The following CAMKK2 variants were observed in gnomAD, a reference collection of about 807,000 sequenced individuals.
CAMKK2 encodes the protein calcium/calmodulin dependent protein kinase kinase 2.
CAMKK2 carries 30 observed loss-of-function variants against 67.2 expected under a neutral mutation model. That is an observed-to-expected ratio of 0.45 (90% confidence interval 0.33 to 0.61). The LOEUF (loss-of-function observed/expected upper bound fraction) is 0.61, where lower values mean the gene tolerates loss of function less well. CAMKK2 is among the 20% of genes least tolerant of loss of function. The pLI is 0.02. For synonymous variants in CAMKK2, 322 were observed against 326.2 expected, an observed-to-expected ratio of 0.99 and a Z score of 0.14; for missense variants, 643 against 802.0, an observed-to-expected ratio of 0.80 and a Z score of 2.39.
At chr12:121,259,924 A>T (rs1893090263) in intron 7 of CAMKK2, among the ~76,000 whole-genome samples, 1 of 152,124 alleles carries the variant, frequency 6.6e-6, no homozygotes, top group Non-Finnish European at 1.5e-5. Context: ...CTCTAGAAAA[A>T]TTTTAAAAAT....
In CAMKK2 at chr12:121,296,390, G is replaced by A. The variant is rs1245373553; in HGVS notation, c.-60+248C>T. ...CCCGGACAGGGCGCGGCCCAGCCGA[G>A]GAGGCCATCCCGAGGCCCAGGGCGC... On this transcript the variant is annotated intron_variant, in intron 1 of 16. Coordinates refer to ENST00000404169, the MANE Select transcript of CAMKK2 (RefSeq NM_001270485.2). The surrounding 1 kb of genome is among the most constrained non-coding windows in gnomAD (Gnocchi z 7.1). Among the ~76,000 whole-genome samples, 2 of 152,180 alleles carry A rather than the reference G, an allele frequency of 1.3e-5. No homozygotes were observed. Among genetic ancestry groups the A allele is most frequent in the African/African-American group, 4.8e-5 (2 of 41,454 alleles).
At chr12:121,276,068 G>A (rs1593441289) in intron 1 of CAMKK2, among the ~76,000 whole-genome samples, 1 of 150,966 alleles carries the variant, frequency 6.6e-6, no homozygotes. Context: ...GCTGAGGCAG[G>A]AGAATCACTT....
chr12:121,267,914 T>C (rs986003503), intron 5 of CAMKK2, among the ~76,000 whole-genome samples: 1 of 151,888 alleles, frequency 6.6e-6, no homozygotes, highest in Non-Finnish European at 1.5e-5. Context: ...CTACTTTTGT[T>C]CCTATGGATT....
Position 121,275,881 on chromosome 12 carries a change from G to T in CAMKK2, c.-59-1296C>A, listed in dbSNP as rs530073678. Among the ~76,000 whole-genome samples, 8 of 152,236 alleles carry T rather than the reference G, an allele frequency of 5.3e-5. No homozygotes were observed. The East Asian group carries it at 1.5e-3, about 29-fold the overall frequency. On this transcript the variant is annotated intron_variant, in intron 1 of 16. Transcript: ENST00000404169. ...CTTATATCTCAATTTTTTAAAAAAG[G>T]CCAGGCACGGCAGCTCACGCCTGTA...
chr12:121,291,607 CA>C (rs1363007019), intron 1 of CAMKK2, among the ~76,000 whole-genome samples: 2 of 152,082 alleles, frequency 1.3e-5, no homozygotes, highest in Non-Finnish European at 1.5e-5. Context: ...TGGTGGTTGC[CA>C]GGGGCTGCAG....
intron 14 of CAMKK2, among the ~76,000 whole-genome samples, chr12:121,247,976 G>C (rs998179888): frequency 2.6e-5 from 4 of 152,112 alleles, no homozygotes; most frequent in Non-Finnish European, 1.5e-5. Context: ...GGGACTCTTG[G>C]TCTCTCTCTT....
At chr12:121,289,723 T>C (rs1349950130) in intron 1 of CAMKK2, among the ~76,000 whole-genome samples, 1 of 151,864 alleles carries the variant, frequency 6.6e-6, no homozygotes, top group East Asian at 1.9e-4. Context: ...TGAAACCTCG[T>C]CTCCACTAAA....
intron 1 of CAMKK2, among the ~76,000 whole-genome samples, chr12:121,280,991 C>T (rs552999799): frequency 1.3e-5 from 2 of 152,324 alleles, no homozygotes; most frequent in African/African-American, 4.8e-5. Flanking sequence ...CACCTATTCG[C>T]ACACTCCCTC....
At chr12:121,246,300 C>T (rs1214774378) in intron 14 of CAMKK2, among the ~76,000 whole-genome samples, 1 of 151,674 alleles carries the variant, frequency 6.6e-6, no homozygotes, top group Non-Finnish European at 1.5e-5. Flanking sequence ...AATACCAGCA[C>T]TTTGGGAGGC....
intron 4 of CAMKK2, 113 bp downstream of exon 4, chr12:121,269,415 C>G: frequency 1.2e-6 from 1 of 816,936 alleles, no homozygotes; most frequent in East Asian, 2.7e-5. Context: ...ATAAACATGA[C>G]CTAAGAATAA....
rs764390250 is a variant in CAMKK2, at chr12:121,274,053, C to T, written c.471+3G>A. The T allele has an allele frequency of 6.7e-7, 1 of 1,486,308 alleles. No homozygotes were observed. Among genetic ancestry groups the T allele is most frequent in the Admixed American group, 2.5e-5 (1 of 39,252 alleles). 92.1% of individuals were successfully genotyped at this position (1,486,308 alleles called of 1,614,324 possible). On this transcript the variant is annotated splice_donor_region_variant and intron_variant, in intron 2 of 16. Transcript: ENST00000404169. Reference sequence around the variant, plus strand: ...GGACCTGGCTCACCACCGGCTCACGCACCTGCATACCCGTGATGGAGACGT... The same window carrying T: ...GGACCTGGCTCACCACCGGCTCACGTACCTGCATACCCGTGATGGAGACGT...
chr12:121,255,341 T>TATATATATATAA (rs1566060061), intron 9 of CAMKK2, among the ~76,000 whole-genome samples: 1 of 28,076 alleles, frequency 3.6e-5, no homozygotes, highest in Non-Finnish European at 6.9e-5. Context: ...TATATATAAT[T>TATATATATATAA]TTATATATAT....
chr12:121,253,575 A>T lies in CAMKK2; in HGVS notation c.908-103T>A. 1.0e-6 allele frequency: 1 copy of T among 959,662 alleles called. No homozygotes were observed. The highest frequency in any genetic ancestry group is 1.7e-6 in the Non-Finnish European group (1 of 602,356). 59.4% of individuals were successfully genotyped at this position (959,662 alleles called of 1,614,324 possible). On this transcript the variant is annotated intron_variant, in intron 9 of 16. Transcript: ENST00000404169. This position sits in a 1 kb window ranked among gnomAD's most constrained non-coding sequence, Gnocchi z 5.0. ...GAGACACAGGCATGGCACCCCTCTG[A>T]TGCCTTGTCTCCCACAGCCCCAGGC...
intron 7 of CAMKK2, among the ~76,000 whole-genome samples, chr12:121,256,932 T>C (rs1440886925): frequency 1.3e-5 from 2 of 151,516 alleles, no homozygotes; most frequent in Non-Finnish European, 2.9e-5. Context: ...TACCTAGGAG[T>C]GGAATTTCTG....
intron 5 of CAMKK2, among the ~76,000 whole-genome samples, chr12:121,264,878 G>A (rs1237414589): frequency 2.0e-5 from 3 of 151,614 alleles, no homozygotes; most frequent in Non-Finnish European, 4.4e-5. Flanking sequence ...GGCTGGGGTG[G>A]GAGGATCACC....
intron 11 of CAMKK2, among the ~76,000 whole-genome samples, chr12:121,252,073 G>T (rs183864254): frequency 1.4e-4 from 22 of 152,008 alleles, no homozygotes; most frequent in African/African-American, 5.1e-4. Context: ...CTTGGGCTCA[G>T]AAATGGGAGA....
upstream of CAMKK2, chr12:121,297,317 C>T (rs1275047875): frequency 3.3e-6 from 1 of 304,948 alleles, no homozygotes; most frequent in Non-Finnish European, 6.6e-6. Flanking sequence ...GCGGCCTGGA[C>T]TTTGGGCCAC....
At position 121,253,453 on chromosome 12, in the gene CAMKK2, G is replaced by T; in HGVS notation, c.927C>A (p.Ile309=). The T allele has an allele frequency of 6.2e-7, 1 of 1,614,190 alleles. No homozygotes were observed. The highest frequency in any genetic ancestry group is 8.5e-7 in the Non-Finnish European group (1 of 1,180,040). The change falls in exon 10 of 17, where the codon ATC becomes ATA. Residue 309 remains isoleucine (I), a synonymous_variant. Transcript: ENST00000404169. The surrounding 1 kb of genome is among the most constrained non-coding windows in gnomAD (Gnocchi z 5.0). ...GIEYLHYQKI[I]HRDIKPSNLL... is the part of the protein sequence containing the mutation. Reference sequence around the variant, plus strand: ...GGTTGGAAGGTTTGATGTCACGGTGGATGATCTTCTGGTAGTGTACTGGGG... The same window carrying T: ...GGTTGGAAGGTTTGATGTCACGGTGTATGATCTTCTGGTAGTGTACTGGGG...
At position 121,265,008 on chromosome 12, in the gene CAMKK2, A is replaced by T. The variant is rs182368045; in HGVS notation, c.626-1069T>A. Among the ~76,000 whole-genome samples the T allele has an allele frequency of 2.0e-4, 31 of 152,128 alleles. No individual in the cohort carries two copies. In the East Asian group the frequency reaches 4.2e-3, roughly 21 times the overall value. ...AAAAAACAAAAACTAAATAGCACTG[A>T]TGTAAAATGAAGCCAGGGAGAAGAA... is the stretch of plus-strand genomic sequence containing the variant. On this transcript the variant is annotated intron_variant, in intron 5 of 16. Coordinates refer to ENST00000404169, the MANE Select transcript of CAMKK2 (RefSeq NM_001270485.2).
Sources: gnomAD v4.1 joint callset for allele counts (sites outside exome capture counted in the v4.1 genomes callset) on GRCh38, gnomAD v4.1.1 for gene constraint, Gnocchi (gnomAD v3.1) non-coding constraint, MANE v1.5 for transcripts, NCBI Gene and HGNC (gene_info 2026-07-23, HGNC 2026-07-21) for gene names.